HIP1R: variants seen among roughly 807,000 people sequenced by gnomAD.
HIP1R encodes huntingtin interacting protein 1 related.
Under a neutral mutation model 144.2 loss-of-function variants are expected in HIP1R, and 135 were observed. That is an observed-to-expected ratio of 0.94 (90% CI 0.81 to 1.08). The LOEUF (loss-of-function observed/expected upper bound fraction) is 1.08, where lower values mean the gene tolerates loss of function less well. Among genes scored for constraint, HIP1R ranks in the 50% least tolerant of loss-of-function variants. The probability of loss-of-function intolerance (pLI) is 0.00; values close to 1 mark genes in which losing one functional copy is unlikely to be tolerated. For missense variants in HIP1R, 1,462 were observed against 1,432.8 expected (o/e 1.02, Z -0.33); for synonymous variants, 698 against 612.8 (o/e 1.14, Z -2.05).
rs777296761 is a variant in HIP1R, at chr12:122,858,899, C to T, written c.2112C>T (p.Ile704=). 1 of 1,613,276 alleles carries T rather than the reference C, an allele frequency of 6.2e-7. No individual in the cohort carries two copies. The highest frequency in any genetic ancestry group is 1.1e-5 in the South Asian group (1 of 91,086). ...CCCACCTGGCTGCGGATACCATCAT[C>T]AATGGCGGTGCCACCTCGCACCTGG... ...RFSHLAADTI[I]NGGATSHLAP... is the part of the protein sequence containing the mutation. The change falls in exon 21 of 32, where the codon ATC becomes ATT. Residue 704 remains isoleucine (I), a synonymous_variant. Transcript: ENST00000253083.
intron 21 of HIP1R, 37 bp from the exon 22 acceptor site, chr12:122,859,024 T>C (rs2343110): frequency 3.3e-5 from 53 of 1,606,538 alleles, no homozygotes; most frequent in Admixed American, 2.4e-4. Flanking sequence ...AGCCTGTCGG[T>C]GGGGGGGGCT....
In HIP1R at chr12:122,835,525, G is replaced by A. The variant is rs755907876; in HGVS notation, c.-26G>A. On this transcript the variant is annotated 5_prime_UTR_variant, in exon 1 of 32. Coordinates refer to ENST00000253083, the MANE Select transcript of HIP1R (RefSeq NM_003959.3). Reference sequence around the variant, plus strand: ...GGCTGTGAGTCGCGCGGACGGAGCCGGACAAAAGCGGGCGGCGGCGGCAGG... The same window carrying A: ...GGCTGTGAGTCGCGCGGACGGAGCCAGACAAAAGCGGGCGGCGGCGGCAGG... The A allele has an allele frequency of 2.3e-6, 3 of 1,329,164 alleles. No homozygotes were observed. The highest frequency in any genetic ancestry group is 1.7e-5 in the South Asian group (1 of 57,180). 82.3% of individuals were successfully genotyped at this position (1,329,164 alleles called of 1,614,324 possible). A position where few individuals can be genotyped will look rare whatever the true frequency, so the allele number is the denominator to read the frequency against.
chr12:122,860,635 C>T (rs369364035), intron 27 of HIP1R, 44 bp from the exon 28 acceptor site: 99 of 1,580,186 alleles, frequency 6.3e-5, no homozygotes, highest in Admixed American at 5.3e-4. Context: ...GCCAGCCGTC[C>T]GTGGGGTCAG....
rs758378252 is a variant in HIP1R at position 122,860,434 on chromosome 12, G to T, written c.2571G>T (p.Thr857=). 5 of 1,613,286 alleles carry T rather than the reference G, an allele frequency of 3.1e-6. No homozygotes were observed. In the East Asian group the frequency reaches 1.1e-4, roughly 36 times the overall value. The part of the protein sequence containing the change: ...EIVESGRGAA[T]QQEFYAKNSR... ...CCCGTCGCCACTAGGGGGCAGCCAC[G>T]CAGCAGGAATTTTACGCCAAGAACT... The change falls in exon 27 of 32, where the codon ACG becomes ACT. Residue 857 remains threonine, a synonymous_variant. Coordinates refer to ENST00000253083, the MANE Select transcript of HIP1R (RefSeq NM_003959.3).
chr12:122,834,872 CATT>C, upstream of HIP1R: 1 of 964,184 alleles, frequency 1.0e-6, no homozygotes, highest in Admixed American at 2.3e-5. Context: ...GGGAGAGTGT[CATT>C]GTGTGCCTTT....
intron 7 of HIP1R, 40 bp from the exon 8 acceptor site, chr12:122,854,003 C>T: frequency 6.2e-7 from 1 of 1,600,542 alleles, no homozygotes; most frequent in Non-Finnish European, 8.5e-7. Flanking sequence ...TTGCCCAGCT[C>T]CCAAGGGCTC....
chr12:122,854,758 C>G, intron 8 of HIP1R, 147 bp from the exon 9 acceptor site: 1 of 752,618 alleles, frequency 1.3e-6, no homozygotes. Context: ...TCCCACAGGT[C>G]TCCCCATCCC....
intron 1 of HIP1R, among the ~76,000 whole-genome samples, chr12:122,844,035 C>T (rs988136420): frequency 3.3e-5 from 5 of 152,082 alleles, no homozygotes; most frequent in Non-Finnish European, 7.3e-5. Context: ...GTGGGAGTTT[C>T]GCCATGTTGG....
chr12:122,857,520 T>C (rs2033625202), intron 18 of HIP1R: 3 of 514,514 alleles, frequency 5.8e-6, no homozygotes, highest in Non-Finnish European at 1.1e-5. Flanking sequence ...CTGTTGTAAA[T>C]AGTGCTGCTG....
Position 122,855,859 on chromosome 12 carries a change from G to A in HIP1R, c.1084G>A (p.Glu362Lys). 1 of 1,566,610 alleles carries A rather than the reference G, an allele frequency of 6.4e-7. No homozygotes were observed. The highest frequency in any genetic ancestry group is 1.7e-4 in the Middle Eastern group (1 of 6,004). ...CCTCCAGATTGAGAGCTTGAAGAGA[G>A]AGGTGGAAATGCTCCGCTCTGAACT... ...RDLQIESLKR[E>K]VEMLRSELEK... Residue 362 changes from glutamate to lysine, a missense_variant, in exon 13 of 32, where the codon GAG (glutamate) becomes AAG (lysine). By Grantham distance (56) the Glu-to-Lys change is moderately conservative. Transcript: ENST00000253083.
At chr12:122,835,225 G>A (rs191558208), upstream of HIP1R, among the ~76,000 whole-genome samples, 642 of 107,450 alleles carry the variant, frequency 6.0e-3, 5 homozygotes, top group Non-Finnish European at 9.7e-3. Flanking sequence ...GCGTGTGCCG[G>A]GGTCGCCGCG....
At position 122,859,773 on chromosome 12, in the gene HIP1R, A is replaced by C; in HGVS notation, c.2408A>C (p.Asp803Ala). The part of the protein sequence containing the change: ...AIEDAVRRIE[D>A]MMNQARHASS... ...TCACGGCTCTGTTCTTGGGTGCAGG[A>C]CATGATGAACCAGGCACGCCACGCC... is the stretch of plus-strand genomic sequence containing the variant. Residue 803 changes from aspartate to alanine, a missense_variant and splice_region_variant, in exon 24 of 32, where the codon GAC becomes GCC. Transcript: ENST00000253083. The C allele has an allele frequency of 6.2e-7, 1 of 1,612,920 alleles. No homozygotes were observed. The highest frequency in any genetic ancestry group is 1.1e-5 in the South Asian group (1 of 91,036).
chr12:122,835,544 C>T lies in HIP1R; in HGVS notation c.-7C>T. On this transcript the variant is annotated 5_prime_UTR_variant, in exon 1 of 32. Transcript: ENST00000253083. ...GGAGCCGGACAAAAGCGGGCGGCGGCGGCAGGATGAACAGCATCAAGAACG... is the reference window on the plus strand; with the variant it reads ...GGAGCCGGACAAAAGCGGGCGGCGGTGGCAGGATGAACAGCATCAAGAACG... The T allele has an allele frequency of 2.2e-6, 3 of 1,334,486 alleles. No homozygotes were observed. The highest frequency in any genetic ancestry group is 2.9e-6 in the Non-Finnish European group (3 of 1,035,336). 82.7% of individuals were successfully genotyped at this position (1,334,486 alleles called of 1,614,324 possible).
rs1009234966 is a variant in HIP1R, at chr12:122,860,322, G to A, written c.2560-101G>A. 71 of 1,542,388 alleles carry A rather than the reference G, an allele frequency of 4.6e-5. No individual in the cohort carries two copies. The African/African-American group carries it at 4.9e-4, about 11-fold the overall frequency. On this transcript the variant is annotated intron_variant, in intron 26 of 31. Transcript: ENST00000253083. ...TACCACAGGGAGGCCTCAGGGATGC[G>A]CCCTATGGCCAGAGTGAGGGGGAGA...
rs562372648 is a variant in HIP1R, at chr12:122,848,227, C to T, written c.157+133C>T. The T allele has an allele frequency of 5.3e-5, 54 of 1,010,850 alleles. No homozygotes were observed. The African/African-American group carries it at 6.9e-4, about 13-fold the overall frequency. The allele number at this position is 1,010,850 out of a possible 1,614,324, so 62.6% of individuals were successfully genotyped here. On this transcript the variant is annotated intron_variant, in intron 2 of 31. Coordinates refer to ENST00000253083, the MANE Select transcript of HIP1R (RefSeq NM_003959.3). ...TGAGCCCGGGGAGGAGGGTCCTGTGCAGCTTGGCTCCTTCCCATCTCAGTC... is the reference window on the plus strand; with the variant it reads ...TGAGCCCGGGGAGGAGGGTCCTGTGTAGCTTGGCTCCTTCCCATCTCAGTC...
At chr12:122,852,331 G>A (rs552798084) in intron 7 of HIP1R, among the ~76,000 whole-genome samples, 2 of 152,288 alleles carry the variant, frequency 1.3e-5, no homozygotes, top group Admixed American at 6.5e-5. Flanking sequence ...GAGAGCAGAG[G>A]GCAGGTGTCC....
intron 18 of HIP1R, chr12:122,857,892 A>T (rs1321395956): frequency 6.9e-6 from 3 of 432,554 alleles, no homozygotes; most frequent in Non-Finnish European, 1.2e-5. Flanking sequence ...AATGTCTTTT[A>T]GGACCTTGAG....
chr12:122,849,513 C>A (rs929016432), intron 4 of HIP1R, among the ~76,000 whole-genome samples: 1 of 152,268 alleles, frequency 6.6e-6, no homozygotes, highest in African/African-American at 2.4e-5. Flanking sequence ...AGATGCAGGC[C>A]CAGCTGGCCC....
intron 18 of HIP1R, 106 bp from the exon 19 acceptor site, chr12:122,857,996 G>T: frequency 1.0e-6 from 1 of 976,614 alleles, no homozygotes; most frequent in Non-Finnish European, 1.5e-6. Flanking sequence ...ACCAGTGAGG[G>T]TCTCAGCTGG....
Sources: allele counts gnomAD v4.1 joint callset (sites outside exome capture counted in the v4.1 genomes callset), GRCh38; gene constraint gnomAD v4.1.1; transcripts MANE v1.5; gene names NCBI Gene and HGNC (gene_info 2026-07-23, HGNC 2026-07-21).